Variants in ZBTB17 observed in about 807,000 individuals in gnomAD.
ZBTB17 encodes zinc finger and BTB domain-containing protein 17.
ZBTB17 carries 24 observed loss-of-function variants against 85.1 expected under a neutral mutation model. The ratio of observed to expected loss-of-function variants is 0.28; its 90% CI spans 0.20 to 0.40. The LOEUF (loss-of-function observed/expected upper bound fraction) is 0.40. ZBTB17 is among the 10% of genes least tolerant of loss of function. The pLI is 1.00. For synonymous variants in ZBTB17, 464 were observed against 460.2 expected (o/e 1.01, Z -0.11); for missense variants, 743 against 1,105.1 (o/e 0.67, Z 4.65).
intron 9 of ZBTB17, 156 bp from the exon 10 acceptor site, chr1:15,944,051 C>T (rs759576993): frequency 4.1e-6 from 4 of 967,136 alleles, no homozygotes; most frequent in South Asian, 1.4e-5. Context: ...CAGGTCCCAG[C>T]GGTGAGAGGT....
chr1:15,944,863 G>GGTGT, intron 7 of ZBTB17, 24 bp from the exon 8 acceptor site: 1 of 1,576,888 alleles, frequency 6.3e-7, no homozygotes, highest in Non-Finnish European at 8.6e-7. Flanking sequence ...GGGGAAGCGG[G>GGTGT]GTGTGAGGAG....
chr1:15,972,428 T>C (rs1292237921), intron 2 of ZBTB17, among the ~76,000 whole-genome samples: 4 of 152,194 alleles, frequency 2.6e-5, no homozygotes, highest in African/African-American at 7.2e-5. Flanking sequence ...CAGCCAGCTT[T>C]TTCTCCAGCA....
intron 2 of ZBTB17, among the ~76,000 whole-genome samples, chr1:15,957,153 T>C (rs2072073877): frequency 7.1e-6 from 1 of 141,288 alleles, no homozygotes; most frequent in Non-Finnish European, 1.5e-5. Context: ...CACTCCAGCC[T>C]GGGTGACAGT....
In ZBTB17 at chr1:15,948,220, G is replaced by T. The variant is rs753518195; in HGVS notation, c.205+71C>A. On this transcript the variant is annotated intron_variant, in intron 3 of 15. Coordinates refer to ENST00000375743, the MANE Select transcript of ZBTB17 (RefSeq NM_003443.3). ...AGCCTGCAGGTGCTGCCCCTGGAGG[G>T]CCTAGCATGGCACAGGGCCGGCCAT... The T allele has an allele frequency of 1.6e-5, 26 of 1,580,556 alleles. No individual in the cohort carries two copies. The South Asian group carries it at 2.9e-4, about 18-fold the overall frequency.
rs372526111 is a variant in ZBTB17, at chr1:15,948,240, G to A, written c.205+51C>T. ...GGAGGGCCTAGCATGGCACAGGGCC[G>A]GCCATAGCTTCTGGCTATCAGCAAG... On this transcript the variant is annotated intron_variant, in intron 3 of 15. Transcript: ENST00000375743. 1.5e-4 allele frequency: 239 copies of A among 1,607,708 alleles called. 2 individuals carry two copies. The South Asian group carries it at 2.3e-3, about 15-fold the overall frequency.
intron 2 of ZBTB17, chr1:15,969,901 G>A: frequency 1.6e-6 from 1 of 632,400 alleles, no homozygotes. Context: ...GAGGCAGCTA[G>A]GACTCTGGAG....
At chr1:15,949,470 G>C (rs1264847692) in intron 2 of ZBTB17, among the ~76,000 whole-genome samples, 1 of 152,202 alleles carries the variant, frequency 6.6e-6, no homozygotes, top group East Asian at 1.9e-4. Flanking sequence ...CACTGTCTGG[G>C]GCCACATTAG....
chr1:15,972,706 C>A (rs1353116121), intron 2 of ZBTB17, among the ~76,000 whole-genome samples: 1 of 152,156 alleles, frequency 6.6e-6, no homozygotes, highest in Non-Finnish European at 1.5e-5. Context: ...CAGATGATCT[C>A]ACAGAACACA....
chr1:15,968,086 A>C (rs2072509944), intron 2 of ZBTB17, among the ~76,000 whole-genome samples: 2 of 152,204 alleles, frequency 1.3e-5, no homozygotes, highest in Admixed American at 1.3e-4. Context: ...ACAAAGACTT[A>C]TCTGGCCCCA....
Position 15,951,606 on chromosome 1 carries a change from C to T in ZBTB17, c.-2-3109G>A, listed in dbSNP as rs1472861186. Among the ~76,000 whole-genome samples, 4 of 152,254 alleles carry T rather than the reference C, an allele frequency of 2.6e-5. No individual in the cohort carries two copies. The highest frequency in any genetic ancestry group is 4.1e-4 in the South Asian group (2 of 4,826). ...CCCTCTCTCAAGGCCCGTGGCGAGACGGAGGCATGGCCGGCTGGGTCCTTC... is the reference window on the plus strand; with the variant it reads ...CCCTCTCTCAAGGCCCGTGGCGAGATGGAGGCATGGCCGGCTGGGTCCTTC... On this transcript the variant is annotated intron_variant, in intron 2 of 15. Coordinates refer to ENST00000375743, the MANE Select transcript of ZBTB17 (RefSeq NM_003443.3). The surrounding 1 kb of genome is among the most constrained non-coding windows in gnomAD (Gnocchi z 4.1).
intron 2 of ZBTB17, among the ~76,000 whole-genome samples, chr1:15,957,790 C>T (rs753358106): frequency 5.9e-5 from 9 of 152,018 alleles, no homozygotes; most frequent in Non-Finnish European, 1.0e-4. Flanking sequence ...AGCAGATGTG[C>T]GTTGTGACAG....
chr1:15,958,718 C>T (rs1262160876), intron 2 of ZBTB17, among the ~76,000 whole-genome samples: 2 of 152,188 alleles, frequency 1.3e-5, no homozygotes, highest in South Asian at 4.1e-4. Flanking sequence ...GCTGCCGAAG[C>T]GCCAGCCTGG....
intron 2 of ZBTB17, 82 bp downstream of exon 2, chr1:15,972,957 A>C (rs2072737403): frequency 6.6e-6 from 1 of 152,258 alleles, no homozygotes; most frequent in Admixed American, 6.5e-5. Context: ...CTATCAGGAA[A>C]GAATCATTTG....
chr1:15,944,642 C>A, intron 8 of ZBTB17, 42 bp from the exon 9 acceptor site: 1 of 1,600,950 alleles, frequency 6.2e-7, no homozygotes, highest in African/African-American at 1.3e-5. Flanking sequence ...CTCGCTGGGG[C>A]GTGAAAGGCC....
chr1:15,954,409 G>A (rs1012051731), intron 2 of ZBTB17, among the ~76,000 whole-genome samples: 5 of 152,164 alleles, frequency 3.3e-5, no homozygotes, highest in East Asian at 1.9e-4. Context: ...AACAGTCCCC[G>A]GCTCCCAGAA....
chr1:15,969,608 T>TG, intron 2 of ZBTB17: 4 of 408,750 alleles, frequency 9.8e-6, no homozygotes, highest in Admixed American at 5.3e-5. Context: ...CCTCGGAGGG[T>TG]GGGGGGAGCA....
chr1:15,947,101 A>G lies in ZBTB17; in HGVS notation c.228T>C (p.Phe76=), dbSNP rs148734996. The G allele has an allele frequency of 2.0e-5, 33 of 1,612,966 alleles. No homozygotes were observed. The African/African-American group carries it at 3.3e-4, about 16-fold the overall frequency. ...TCAGGCTCAGCTTGGCCGTGTACAT[A>G]AACTCCAGCACCTGCCCCAGGCCTA... The part of the protein sequence containing the change: ...NAAGLGQVLE[F]MYTAKLSLSP... The change falls in exon 4 of 16, where the codon TTT becomes TTC. Residue 76 remains phenylalanine (F), a synonymous_variant. Coordinates refer to ENST00000375743, the MANE Select transcript of ZBTB17 (RefSeq NM_003443.3).
intron 9 of ZBTB17, 40 bp downstream of exon 9, chr1:15,944,244 TGCGGCTGCGGCCACCG>T (rs1264538523): frequency 6.5e-7 from 1 of 1,543,500 alleles, no homozygotes; most frequent in African/African-American, 1.4e-5. Flanking sequence ...GTGGCATGCA[TGCGGCTGCGGCCACCG>T]GCGGCTGCCA....
chr1:15,969,521 C>T (rs150079363), intron 2 of ZBTB17: 5 of 291,718 alleles, frequency 1.7e-5, no homozygotes, highest in South Asian at 5.7e-5. Flanking sequence ...CGAGGGGGCA[C>T]GAGGCAGTAG....
Sources: allele counts gnomAD v4.1 joint callset (sites outside exome capture counted in the v4.1 genomes callset), GRCh38; gene constraint gnomAD v4.1.1; non-coding constraint Gnocchi (gnomAD v3.1); transcripts MANE v1.5; gene names NCBI Gene and HGNC (gene_info 2026-07-23, HGNC 2026-07-21).